The following RASSF4 variants were observed in gnomAD, a reference collection of about 807,000 sequenced individuals.
The protein encoded by RASSF4 is ras association domain-containing protein 4.
In RASSF4, 38 loss-of-function variants were observed where a neutral mutation model predicts 41.1. That is an observed-to-expected ratio of 0.92 (90% CI 0.71 to 1.21). RASSF4 has a LOEUF of 1.21. Ranked by LOEUF, RASSF4 falls within the 50% of genes most tolerant of loss-of-function variation. The pLI is 0.00. For missense variants in RASSF4, 414 were observed against 419.4 expected (o/e 0.99, Z 0.11); for synonymous variants, 179 against 163.4 (o/e 1.10, Z -0.73).
rs763491711 is a variant in RASSF4 at position 44,989,706 on chromosome 10, G to T, written c.670G>T (p.Val224Phe). The part of the protein sequence containing the change: ...DGPSEFALYI[V>F]HESGERTKLK... ...CCCCAGTGAGTTCGCACTCTACATCGTTCACGAGTCTGGGGGTAAGTACCT... is the reference window on the plus strand; with the variant it reads ...CCCCAGTGAGTTCGCACTCTACATCTTTCACGAGTCTGGGGGTAAGTACCT... Residue 224 changes from valine (V) to phenylalanine (F), a missense_variant, in exon 8 of 11, where the codon GTT becomes TTT. Val to Phe is a conservative substitution (Grantham distance 50). Coordinates refer to ENST00000340258, the MANE Select transcript of RASSF4 (RefSeq NM_032023.4). The T allele has an allele frequency of 6.2e-6, 10 of 1,614,004 alleles. No homozygotes were observed. Among genetic ancestry groups the T allele is most frequent in the Admixed American group, 5.0e-5 (3 of 60,004 alleles).
chr10:44,989,567 C>T (rs1357988553), intron 7 of RASSF4, 103 bp from the exon 8 acceptor site: 1 of 1,126,962 alleles, frequency 8.9e-7, no homozygotes, highest in South Asian at 1.2e-5. Flanking sequence ...TTCCTTGCAA[C>T]TTGCGTGTGT....
At chr10:44,966,726 C>T (rs562600587) in intron 1 of RASSF4, among the ~76,000 whole-genome samples, 1 of 152,120 alleles carries the variant, frequency 6.6e-6, no homozygotes, top group Non-Finnish European at 1.5e-5. Context: ...GGTTAATGAG[C>T]GTATAGTGAG....
intron 1 of RASSF4, among the ~76,000 whole-genome samples, chr10:44,967,790 G>A (rs975755525): frequency 1.2e-4 from 19 of 152,086 alleles, no homozygotes; most frequent in African/African-American, 3.9e-4. Context: ...CCATGTTCCC[G>A]TTCTCTTGGG....
At chr10:44,974,645 C>A (rs1337247976) in intron 3 of RASSF4, among the ~76,000 whole-genome samples, 1 of 152,126 alleles carries the variant, frequency 6.6e-6, no homozygotes, top group African/African-American at 2.4e-5. Flanking sequence ...GTCACTGCCC[C>A]TCACCCGCAG....
chr10:44,962,641 G>A (rs1185546872), intron 1 of RASSF4, among the ~76,000 whole-genome samples: 2 of 152,168 alleles, frequency 1.3e-5, no homozygotes, highest in African/African-American at 4.8e-5. Flanking sequence ...CCCAGCCCCA[G>A]GCAATCGGGA....
intron 9 of RASSF4, 153 bp downstream of exon 9, chr10:44,991,222 C>A: frequency 1.7e-6 from 1 of 583,196 alleles, no homozygotes; most frequent in Non-Finnish European, 2.7e-6. Flanking sequence ...CACAGGGAGG[C>A]GCCAGCCCTC....
intron 4 of RASSF4, chr10:44,982,943 A>AG (rs1290574681): frequency 1.5e-6 from 1 of 670,938 alleles, no homozygotes; most frequent in Admixed American, 2.1e-5. Flanking sequence ...GACTACAGCC[A>AG]GGGGGGCTCC....
At chr10:44,979,840 G>T (rs1338425552) in intron 3 of RASSF4, among the ~76,000 whole-genome samples, 1 of 152,108 alleles carries the variant, frequency 6.6e-6, no homozygotes, top group Non-Finnish European at 1.5e-5. Context: ...CTGCTTCAAA[G>T]GATCGCTGCA....
intron 1 of RASSF4, among the ~76,000 whole-genome samples, chr10:44,962,324 G>A (rs532290982): frequency 4.6e-5 from 7 of 152,256 alleles, no homozygotes; most frequent in Non-Finnish European, 1.5e-5. Context: ...GACAAGAGCT[G>A]TCTCATCTCC....
intron 1 of RASSF4, among the ~76,000 whole-genome samples, chr10:44,969,150 T>C (rs527432859): frequency 9.9e-5 from 15 of 151,672 alleles, no homozygotes; most frequent in Middle Eastern, 6.8e-3. Context: ...GTGTGAAGCT[T>C]TACCTCCCTG....
At chr10:44,972,973 G>A (rs999272274) in intron 3 of RASSF4, among the ~76,000 whole-genome samples, 4 of 152,186 alleles carry the variant, frequency 2.6e-5, no homozygotes, top group Non-Finnish European at 4.4e-5. Flanking sequence ...GCTGCCAGAC[G>A]GCCTCAGCCA....
At chr10:44,992,199 C>G (rs1043391044) in intron 10 of RASSF4, among the ~76,000 whole-genome samples, 197 bp downstream of exon 10, 5 of 152,252 alleles carry the variant, frequency 3.3e-5, no homozygotes, top group African/African-American at 9.6e-5. Context: ...GGGGTGACAG[C>G]TTGCCAAAAC....
At chr10:44,987,789 A>G (rs762979376) in intron 6 of RASSF4, among the ~76,000 whole-genome samples, 20 of 152,032 alleles carry the variant, frequency 1.3e-4, no homozygotes, top group Non-Finnish European at 2.6e-4. Flanking sequence ...TAAGGCATGC[A>G]TATTTTTTAG....
At chr10:44,965,323 G>T (rs1840860619) in intron 1 of RASSF4, among the ~76,000 whole-genome samples, 1 of 152,186 alleles carries the variant, frequency 6.6e-6, no homozygotes, top group African/African-American at 2.4e-5. Context: ...TAAAGGTGTG[G>T]ATTCTCAGTC....
chr10:44,963,102 G>A (rs1400539798), intron 1 of RASSF4, among the ~76,000 whole-genome samples: 2 of 152,126 alleles, frequency 1.3e-5, no homozygotes, highest in Non-Finnish European at 2.9e-5. Flanking sequence ...GAGGTGGAGG[G>A]GAGCTCTGTG....
chr10:44,982,762 A>G, intron 4 of RASSF4, 99 bp downstream of exon 4: 1 of 1,334,974 alleles, frequency 7.5e-7, no homozygotes, highest in Non-Finnish European at 1.0e-6. Flanking sequence ...CTTATGGGAC[A>G]CTGGCACAGG....
chr10:44,979,173 T>C (rs951540085), intron 3 of RASSF4, among the ~76,000 whole-genome samples: 1 of 152,050 alleles, frequency 6.6e-6, no homozygotes, highest in African/African-American at 2.4e-5. Flanking sequence ...TTGGCAACTT[T>C]GATGAAAAAT....
At chr10:44,990,700 C>T (rs1046773537) in intron 8 of RASSF4, 1 of 360,028 alleles carries the variant, frequency 2.8e-6, no homozygotes, top group Non-Finnish European at 5.1e-6. Context: ...AAGAGCCTCA[C>T]TTGTATCTTC....
intron 6 of RASSF4, among the ~76,000 whole-genome samples, chr10:44,986,991 G>T (rs1841941963): frequency 6.6e-6 from 1 of 152,218 alleles, no homozygotes; most frequent in African/African-American, 2.4e-5. Context: ...GGGGGCCTTT[G>T]TTCCTACTTG....
Sources: allele counts gnomAD v4.1 joint callset (sites outside exome capture counted in the v4.1 genomes callset), GRCh38; gene constraint gnomAD v4.1.1; transcripts MANE v1.5; gene names NCBI Gene and HGNC (gene_info 2026-07-23, HGNC 2026-07-21).